DCC: variants seen among roughly 807,000 people sequenced by gnomAD.
The protein encoded by DCC is DCC netrin 1 receptor, also known as netrin receptor DCC.
DCC carries 58 observed loss-of-function variants against 172.5 expected under a neutral mutation model. The observed-to-expected ratio is 0.34, with a 90% CI of 0.27 to 0.42. The LOEUF is 0.42. Ranked by LOEUF, DCC falls within the 10% of genes least tolerant of loss-of-function variation. The probability of loss-of-function intolerance (pLI) is 1.00; values close to 1 mark genes in which losing one functional copy is unlikely to be tolerated. For synonymous variants in DCC, 709 were observed against 644.5 expected (o/e 1.10, Z -1.52); for missense variants, 1,740 against 1,791.0 (o/e 0.97, Z 0.51).
intron 2 of DCC, among the ~76,000 whole-genome samples, chr18:52,865,301 C>T (rs906167866): frequency 1.3e-5 from 2 of 152,074 alleles, no homozygotes; most frequent in African/African-American, 2.4e-5. Context: ...AATAAACATA[C>T]CTGTGCATGT....
At chr18:53,312,366 A>T (rs547060732) in intron 13 of DCC, among the ~76,000 whole-genome samples, 159 of 145,062 alleles carry the variant, frequency 1.1e-3, no homozygotes, top group African/African-American at 3.7e-3. Context: ...AAAAAAAAGA[A>T]AAAGAAAAAG....
intron 5 of DCC, among the ~76,000 whole-genome samples, chr18:53,028,793 T>G (rs958362627): frequency 5.3e-5 from 8 of 152,176 alleles, no homozygotes; most frequent in African/African-American, 1.7e-4. Context: ...CAGCTATGAT[T>G]GCAACGTATG....
intron 7 of DCC, among the ~76,000 whole-genome samples, chr18:53,106,082 C>A (rs2043242189): frequency 6.6e-6 from 1 of 151,654 alleles, no homozygotes; most frequent in Non-Finnish European, 1.5e-5. Flanking sequence ...TATCAGAGCC[C>A]CCCAGTTATC....
At chr18:53,078,629 A>G (rs970648731) in intron 7 of DCC, among the ~76,000 whole-genome samples, 4 of 152,172 alleles carry the variant, frequency 2.6e-5, no homozygotes, top group Admixed American at 6.5e-5. Context: ...TATTTAAAGT[A>G]TCTATTCAGA....
intron 2 of DCC, among the ~76,000 whole-genome samples, chr18:52,827,970 T>C (rs78186154): frequency 0.051 from 7,720 of 152,174 alleles, 292 homozygotes; most frequent in South Asian, 0.17. Flanking sequence ...AGTAGTTTTT[T>C]TTTTTCTTTT....
At chr18:53,504,956 A>C (rs144575599) in intron 27 of DCC, among the ~76,000 whole-genome samples, 3 of 152,100 alleles carry the variant, frequency 2.0e-5, no homozygotes, top group Admixed American at 2.0e-4. Flanking sequence ...TTGAAGATAG[A>C]TAGATACAGG....
intron 5 of DCC, among the ~76,000 whole-genome samples, chr18:53,044,271 A>G (rs2144010660): frequency 6.6e-6 from 1 of 151,812 alleles, no homozygotes; most frequent in African/African-American, 2.4e-5. Flanking sequence ...TTTGGTTTGG[A>G]AAAAAGAGAA....
At chr18:52,877,755 T>C (rs1301514824) in intron 2 of DCC, among the ~76,000 whole-genome samples, 2 of 151,866 alleles carry the variant, frequency 1.3e-5, no homozygotes. Flanking sequence ...TTGTCAAATA[T>C]GATAGGAGAG....
intron 12 of DCC, among the ~76,000 whole-genome samples, chr18:53,225,716 T>G (rs1598923394): frequency 6.6e-6 from 1 of 152,196 alleles, no homozygotes; most frequent in East Asian, 1.9e-4. Context: ...ACATTATGAT[T>G]GCTGAGTACT....
intron 5 of DCC, among the ~76,000 whole-genome samples, chr18:53,015,134 C>A (rs1160665589): frequency 6.6e-6 from 1 of 152,080 alleles, no homozygotes; most frequent in African/African-American, 2.4e-5. Flanking sequence ...TTTTGCCTCT[C>A]GAAAATTCTT....
intron 1 of DCC, among the ~76,000 whole-genome samples, chr18:52,639,849 C>A (rs2034855663): frequency 6.6e-6 from 1 of 152,106 alleles, no homozygotes; most frequent in Admixed American, 6.5e-5. Context: ...AAGAAACCCT[C>A]CCTAATTCAT....
chr18:52,397,465 A>G (rs1164255690), intron 1 of DCC, among the ~76,000 whole-genome samples: 1 of 152,036 alleles, frequency 6.6e-6, no homozygotes, highest in Non-Finnish European at 1.5e-5. Flanking sequence ...ATTGTGGGGA[A>G]TGTAACACTA....
At chr18:53,403,009 T>G (rs1051891148) in intron 19 of DCC, 116 bp downstream of exon 19, 1 of 775,342 alleles carries the variant, frequency 1.3e-6, no homozygotes, top group African/African-American at 1.7e-5. Flanking sequence ...ACATCTCAGC[T>G]GACTCCATGA....
intron 7 of DCC, among the ~76,000 whole-genome samples, chr18:53,081,502 T>G (rs2144136459): frequency 6.6e-6 from 1 of 152,082 alleles, no homozygotes; most frequent in Non-Finnish European, 1.5e-5. Context: ...GTCTTATCTT[T>G]GAGTGACAGG....
rs199978531 is a variant in DCC, at chr18:53,178,935, T to A, written c.1419-27T>A. On this transcript the variant is annotated intron_variant, in intron 8 of 28. Transcript: ENST00000442544. ...GCTGAAGGTATTCTTTTTGGAATAA[T>A]CTTTCTCTGCAACTTTGATTTCTCA... 1.9e-6 allele frequency: 3 copies of A among 1,613,726 alleles called. No homozygotes were observed. In the South Asian group the frequency reaches 3.3e-5, roughly 18 times the overall value.
intron 5 of DCC, among the ~76,000 whole-genome samples, chr18:52,932,550 GAAAAT>G (rs756143692): frequency 3.2e-4 from 49 of 152,074 alleles, no homozygotes; most frequent in Non-Finnish European, 6.8e-4. Context: ...ACATCAGTGA[GAAAAT>G]AAAAATATCT....
At chr18:53,217,161 T>C (rs2055864134) in intron 12 of DCC, among the ~76,000 whole-genome samples, 1 of 151,986 alleles carries the variant, frequency 6.6e-6, no homozygotes, top group Admixed American at 6.6e-5. Flanking sequence ...GAAACGTGTA[T>C]AGGGCATTAC....
chr18:52,529,953 T>C (rs1343202523), intron 1 of DCC, among the ~76,000 whole-genome samples: 2 of 152,144 alleles, frequency 1.3e-5, no homozygotes, highest in East Asian at 1.9e-4. Context: ...TCCAATGAAA[T>C]AGAAAATTTT....
chr18:52,501,275 C>G (rs1424533963), intron 1 of DCC, among the ~76,000 whole-genome samples: 1 of 152,110 alleles, frequency 6.6e-6, no homozygotes, highest in Non-Finnish European at 1.5e-5. Flanking sequence ...GAGCAGGTAT[C>G]TGGCACAGAA....
Sources: gnomAD v4.1 joint callset for allele counts (sites outside exome capture counted in the v4.1 genomes callset) on GRCh38, gnomAD v4.1.1 for gene constraint, MANE v1.5 for transcripts, NCBI Gene and HGNC (gene_info 2026-07-23, HGNC 2026-07-21) for gene names.